The following MPHOSPH10 variants were observed in gnomAD, a reference collection of about 807,000 sequenced individuals.
MPHOSPH10 encodes the protein M-phase phosphoprotein 10, also known as U3 small nucleolar ribonucleoprotein MPP10.
A neutral mutation model predicts 77.3 loss-of-function variants in MPHOSPH10; 33 were observed. The ratio of observed to expected loss-of-function variants is 0.43; its 90% confidence interval spans 0.32 to 0.57. MPHOSPH10 has a LOEUF of 0.57. Ranked by LOEUF, MPHOSPH10 falls within the 20% of genes least tolerant of loss-of-function variation. MPHOSPH10 has a pLI of 0.07. For synonymous variants in MPHOSPH10, 245 were observed against 268.0 expected, an observed-to-expected ratio of 0.91 and a Z score of 0.84; for missense variants, 708 against 780.1, an observed-to-expected ratio of 0.91 and a Z score of 1.10.
intron 4 of MPHOSPH10, among the ~76,000 whole-genome samples, chr2:71,137,519 C>G (rs1245959364): frequency 6.6e-6 from 1 of 151,874 alleles, no homozygotes; most frequent in Non-Finnish European, 1.5e-5. Context: ...ATTAGTCAGG[C>G]GTGGTTGCAC....
intron 2 of MPHOSPH10, 91 bp downstream of exon 2, chr2:71,133,667 T>G (rs909973732): frequency 2.3e-6 from 3 of 1,327,812 alleles, no homozygotes; most frequent in African/African-American, 1.5e-5. Flanking sequence ...GTTAGAAGAT[T>G]TAGTGATAAG....
chr2:71,138,416 ATT>A lies in MPHOSPH10; in HGVS notation c.1099-73_1099-72del, dbSNP rs1673538517. 14 of 1,133,102 alleles carry A rather than the reference ATT, an allele frequency of 1.2e-5. No individual in the cohort carries two copies. The South Asian group carries it at 2.7e-4, about 22-fold the overall frequency. 70.2% of individuals were successfully genotyped at this position (1,133,102 alleles called of 1,614,324 possible). A position where few individuals can be genotyped will look rare whatever the true frequency, so the allele number is the denominator to read the frequency against. On this transcript the variant is annotated intron_variant, in intron 4 of 10. Coordinates refer to ENST00000244230, the MANE Select transcript of MPHOSPH10 (RefSeq NM_005791.3). ...CGTTTCTTGCTTTCCCACTTTTTAA[ATT>A]ATTTTTTGCTTTTACACAAATATAA...
chr2:71,130,646 G>A lies in MPHOSPH10; in HGVS notation c.-20G>A, dbSNP rs374186239. On this transcript the variant is annotated 5_prime_UTR_variant, in exon 1 of 11. Transcript: ENST00000244230. ...TCCCTTCCCTTGCATGCTGCATTGT[G>A]TCGGGAGTTGCTGACAGCCATGGCG... 4.4e-5 allele frequency: 70 copies of A among 1,602,326 alleles called. No homozygotes were observed. Among genetic ancestry groups the A allele is most frequent in the Non-Finnish European group, 6.0e-5 (70 of 1,174,700 alleles).
chr2:71,143,937 T>C (rs1193066123), intron 7 of MPHOSPH10, among the ~76,000 whole-genome samples: 1 of 152,256 alleles, frequency 6.6e-6, no homozygotes, highest in Non-Finnish European at 1.5e-5. Flanking sequence ...TTAATCCTCC[T>C]GGTTGTACAC....
Position 71,150,064 on chromosome 2 carries a change from CATT to C in MPHOSPH10, c.*50_*52del, listed in dbSNP as rs1673795877. The C allele has an allele frequency of 2.0e-6, 2 of 992,772 alleles. No homozygotes were observed. Among genetic ancestry groups the C allele is most frequent in the African/African-American group, 3.4e-5 (2 of 59,030 alleles). 61.5% of individuals were successfully genotyped at this position (992,772 alleles called of 1,614,324 possible). A position where few individuals can be genotyped will look rare whatever the true frequency, so the allele number is the denominator to read the frequency against. On this transcript the variant is annotated 3_prime_UTR_variant, in exon 11 of 11. Coordinates refer to ENST00000244230, the MANE Select transcript of MPHOSPH10 (RefSeq NM_005791.3). Reference sequence around the variant, plus strand: ...ATTAATGTGTAAGCTTATATTGTGTCATTGTTCTGTTTTATAATAAAATTCTTG... The same window carrying C: ...ATTAATGTGTAAGCTTATATTGTGTCGTTCTGTTTTATAATAAAATTCTTG...
chr2:71,137,277 A>T (rs1428725006), intron 4 of MPHOSPH10, among the ~76,000 whole-genome samples: 3 of 152,200 alleles, frequency 2.0e-5, no homozygotes, highest in Non-Finnish European at 4.4e-5. Context: ...CAGGAATAAG[A>T]CAAGATGTCC....
Position 71,133,121 on chromosome 2 carries a change from A to G in MPHOSPH10, c.313A>G (p.Ser105Gly), listed in dbSNP as rs754355920. Residue 105 changes from serine to glycine, a missense_variant, in exon 2 of 11, where the codon AGT becomes GGT. Ser to Gly is a moderately conservative substitution (Grantham distance 56, BLOSUM62 0). Around this residue, in one of 3 missense-constraint regions of MPHOSPH10, gnomAD observed 433 missense variants for 432.6 expected, o/e 1.00. Coordinates refer to ENST00000244230, the MANE Select transcript of MPHOSPH10 (RefSeq NM_005791.3). ...VSETINDEDI[S>G]LLPESEEQER... ...TGAAACAATTAATGATGAAGATATCAGTCTTCTCCCAGAGAGTGAAGAACA... is the reference window on the plus strand; with the variant it reads ...TGAAACAATTAATGATGAAGATATCGGTCTTCTCCCAGAGAGTGAAGAACA... The G allele has an allele frequency of 1.9e-6, 3 of 1,614,012 alleles. No homozygotes were observed. The highest frequency in any genetic ancestry group is 1.3e-5 in the African/African-American group (1 of 74,942).
At chr2:71,137,657 A>C (rs1246064250) in intron 4 of MPHOSPH10, among the ~76,000 whole-genome samples, 1 of 111,808 alleles carries the variant, frequency 8.9e-6, no homozygotes, top group South Asian at 2.9e-4. Context: ...AGACTGTCTC[A>C]AAAAAAAAAA....
intron 8 of MPHOSPH10, among the ~76,000 whole-genome samples, chr2:71,147,796 A>C (rs1673747810): frequency 6.6e-6 from 1 of 152,208 alleles, no homozygotes; most frequent in Non-Finnish European, 1.5e-5. Flanking sequence ...CCGTCATGCC[A>C]GTCCACTTAG....
chr2:71,136,913 AACACACACACACACACACACACACAC>A (rs56768441), intron 4 of MPHOSPH10, among the ~76,000 whole-genome samples: 1 of 119,040 alleles, frequency 8.4e-6, no homozygotes, highest in Non-Finnish European at 1.7e-5. Flanking sequence ...GTAGCATTAA[AACACACACACACACACACACACACAC>A]ACACACACAC....
chr2:71,144,372 G>A, intron 7 of MPHOSPH10, 56 bp from the exon 8 acceptor site: 1 of 1,277,442 alleles, frequency 7.8e-7, no homozygotes, highest in Non-Finnish European at 1.1e-6. Context: ...TTAGTGTTTT[G>A]TCCTGTGATA....
intron 5 of MPHOSPH10, 180 bp downstream of exon 5, chr2:71,138,811 G>C: frequency 1.2e-6 from 1 of 811,598 alleles, no homozygotes; most frequent in Non-Finnish European, 2.0e-6. Flanking sequence ...GAGGCAGACG[G>C]ATCACCTGAG....
chr2:71,143,146 CTTTT>C (rs776519742), intron 7 of MPHOSPH10, among the ~76,000 whole-genome samples: 1 of 140,884 alleles, frequency 7.1e-6, no homozygotes, highest in Non-Finnish European at 1.6e-5. Context: ...TCTTTTTTTT[CTTTT>C]TTTTTTTTTT....
At chr2:71,149,072 A>T in intron 9 of MPHOSPH10, 151 bp from the exon 10 acceptor site, 1 of 670,650 alleles carries the variant, frequency 1.5e-6, no homozygotes, top group East Asian at 2.7e-5. Context: ...ACCAACGCTC[A>T]TTGGAATGCA....
rs756964630 is a variant in MPHOSPH10, at chr2:71,132,951, A to G, written c.143A>G (p.Asp48Gly). The G allele has an allele frequency of 1.9e-5, 30 of 1,613,398 alleles. No homozygotes were observed. Among genetic ancestry groups the G allele is most frequent in the Admixed American group, 5.0e-5 (3 of 59,916 alleles). ...KFTSLTKVLY[D>G]FNKILENGRI... ...ACTTCTTTAACAAAAGTGCTTTATG[A>G]CTTTAATAAAATATTAGAGAATGGT... The change falls in exon 2 of 11, where the codon GAC becomes GGC. Residue 48 changes from aspartate to glycine, a missense_variant. Asp to Gly is a moderately conservative substitution (Grantham distance 94, BLOSUM62 -1). This residue lies in a region of MPHOSPH10 where 433 missense variants were observed against 432.6 expected (regional missense o/e 1.00). Transcript: ENST00000244230.
At chr2:71,141,162 G>A (rs1448148387) in intron 6 of MPHOSPH10, 70 bp from the exon 7 acceptor site, 137 of 1,000,556 alleles carry the variant, frequency 1.4e-4, no homozygotes, top group Non-Finnish European at 1.7e-4. Flanking sequence ...TATTCCAGAG[G>A]AAGATTCTTA....
At position 71,137,276 on chromosome 2, in the gene MPHOSPH10, G is replaced by C. The variant is rs1180038904; in HGVS notation, c.1099-1214G>C. Among the ~76,000 whole-genome samples the C allele has an allele frequency of 2.0e-5, 3 of 152,074 alleles. No homozygotes were observed. In the South Asian group the frequency reaches 6.2e-4, roughly 32 times the overall value. ...AACATCCCTTTAAGATCAGGAATAA[G>C]ACAAGATGTCCAGTATTACAATTAC... On this transcript the variant is annotated intron_variant, in intron 4 of 10. Transcript: ENST00000244230.
intron 1 of MPHOSPH10, 94 bp downstream of exon 1, chr2:71,130,848 A>T: frequency 4.2e-6 from 5 of 1,199,426 alleles, no homozygotes; most frequent in Non-Finnish European, 5.8e-6. Flanking sequence ...GGGGGAAGGT[A>T]AGGGGAAACG....
intron 5 of MPHOSPH10, 52 bp downstream of exon 5, chr2:71,138,683 A>G: frequency 6.2e-7 from 1 of 1,609,858 alleles, no homozygotes; most frequent in South Asian, 1.1e-5. Context: ...CCATGGTTCC[A>G]TTTCATACAA....
Sources: gnomAD v4.1 joint callset for allele counts (sites outside exome capture counted in the v4.1 genomes callset) on GRCh38, gnomAD v4.1.1 for gene constraint, gnomAD v4.1.1 regional missense constraint, MANE v1.5 for transcripts, NCBI Gene and HGNC (gene_info 2026-07-23, HGNC 2026-07-21) for gene names.